GPC3: variants seen among roughly 807,000 people sequenced by gnomAD.
GPC3 encodes the protein glypican 3.
Under a neutral mutation model 34.4 loss-of-function variants are expected in GPC3, and 3 were observed. The observed-to-expected ratio is 0.09, with a 90% confidence interval of 0.04 to 0.23. The LOEUF is 0.23. Ranked by LOEUF, GPC3 falls within the 10% of genes least tolerant of loss-of-function variation. The pLI is 1.00. For synonymous variants in GPC3, 177 were observed against 174.0 expected, an observed-to-expected ratio of 1.02 and a Z score of -0.13; for missense variants, 351 against 445.6, an observed-to-expected ratio of 0.79 and a Z score of 1.91.
chrX:133,634,010 T>C (rs1486693310), intron 6 of GPC3, among the ~76,000 whole-genome samples: 5 of 111,968 alleles, frequency 4.5e-5, no homozygotes, highest in African/African-American at 1.6e-4. Context: ...AAAATATCCA[T>C]TAAAAACTAT....
At chrX:133,672,937 A>G (rs1469459550) in intron 5 of GPC3, among the ~76,000 whole-genome samples, 1 of 98,317 alleles carries the variant, frequency 1.0e-5, no homozygotes, top group African/African-American at 3.9e-5. Flanking sequence ...GGCGTGAGCC[A>G]CTGCACCCGA....
intron 2 of GPC3, among the ~76,000 whole-genome samples, chrX:133,936,810 A>G (rs2076325438): frequency 8.9e-6 from 1 of 112,255 alleles, no homozygotes; most frequent in Admixed American, 9.5e-5. Context: ...GACAGTTATG[A>G]ATGGAAAGTG....
At chrX:133,593,353 G>GGAAAAAAAAAAAAAAAAAAAAAAAAAAAA (rs1569391707) in intron 7 of GPC3, among the ~76,000 whole-genome samples, 1 of 58,158 alleles carries the variant, frequency 1.7e-5, no homozygotes, top group Non-Finnish European at 3.3e-5. Flanking sequence ...AAAAAAAAAA[G>GGAAAAAAAAAAAAAAAAAAAAAAAAAAAA]TAAAAAAAAA....
intron 7 of GPC3, among the ~76,000 whole-genome samples, chrX:133,562,015 T>C (rs943624981): frequency 8.9e-6 from 1 of 112,111 alleles, no homozygotes; most frequent in Non-Finnish European, 1.9e-5. Context: ...ACTGCACCAT[T>C]TGGGTGATTA....
At chrX:133,830,206 C>T (rs780837217) in intron 2 of GPC3, among the ~76,000 whole-genome samples, 7 of 111,079 alleles carry the variant, frequency 6.3e-5, no homozygotes, top group Non-Finnish European at 1.1e-4. Context: ...GGAATACAAC[C>T]GAGAGTCCAG....
intron 3 of GPC3, among the ~76,000 whole-genome samples, chrX:133,718,412 A>G (rs1021165001): frequency 3.6e-5 from 4 of 111,552 alleles, no homozygotes; most frequent in South Asian, 7.5e-4. Context: ...GGCAACCCCT[A>G]AGAAAATAAC....
At chrX:133,536,487 C>A (rs1400469134) in intron 7 of GPC3, among the ~76,000 whole-genome samples, 194 bp from the exon 8 acceptor site, 1 of 107,410 alleles carries the variant, frequency 9.3e-6, no homozygotes, top group Admixed American at 1.0e-4. Flanking sequence ...AGAGGGGAGG[C>A]AGTGGAAGGA....
chrX:133,898,472 C>T (rs1350448159), intron 2 of GPC3, among the ~76,000 whole-genome samples: 1 of 112,170 alleles, frequency 8.9e-6, no homozygotes, highest in African/African-American at 3.2e-5. Context: ...TTACAGCATA[C>T]AGTAACAATT....
intron 3 of GPC3, among the ~76,000 whole-genome samples, chrX:133,721,530 G>A (rs993691032): frequency 2.7e-5 from 3 of 111,336 alleles, no homozygotes; most frequent in African/African-American, 9.8e-5. Flanking sequence ...GGCTTCACTG[G>A]TGAGTTTTAG....
At chrX:133,584,930 C>CAAACAAAAAAAAAAA (rs2069772100) in intron 7 of GPC3, among the ~76,000 whole-genome samples, 1 of 68,279 alleles carries the variant, frequency 1.5e-5, no homozygotes, top group Non-Finnish European at 2.8e-5. Context: ...TATAAAAAGC[C>CAAACAAAAAAAAAAA]AAAAAAAAAA....
At position 133,554,020 on chromosome X, in the gene GPC3, C is replaced by CTCT. The variant is rs760457814; in HGVS notation, c.1574-17728_1574-17727insAGA. On this transcript the variant is annotated intron_variant, in intron 7 of 7. Coordinates refer to ENST00000370818, the MANE Select transcript of GPC3 (RefSeq NM_004484.4). ...ATCCTCTTTCTCTCTCTCTCTCTCT[C>CTCT]TTTTTTTTTTTTGAGATGGAGTCTT... Among the ~76,000 whole-genome samples, 11 of 94,787 alleles carry CTCT rather than the reference C, an allele frequency of 1.2e-4. No homozygotes were observed. The East Asian group carries it at 2.1e-3, about 18-fold the overall frequency. The allele number at this position is 94,787 out of a possible 115,157, so 82.3% of individuals were successfully genotyped here.
At chrX:133,899,768 G>A (rs2076135719) in intron 2 of GPC3, among the ~76,000 whole-genome samples, 1 of 110,693 alleles carries the variant, frequency 9.0e-6, no homozygotes, top group Non-Finnish European at 1.9e-5. Flanking sequence ...TTGACCAATG[G>A]TCTAATGGTT....
At chrX:133,785,366 G>C (rs1216640172) in intron 2 of GPC3, among the ~76,000 whole-genome samples, 1 of 111,238 alleles carries the variant, frequency 9.0e-6, no homozygotes, top group Non-Finnish European at 1.9e-5. Flanking sequence ...GCAGGTTATG[G>C]TGTGTGTGAC....
rs768615041 is a variant in GPC3 at position 133,748,104 on chromosome X, G to C, written c.1032+5378C>G. Among the ~76,000 whole-genome samples, 4 of 112,177 alleles carry C rather than the reference G, an allele frequency of 3.6e-5. No homozygotes were observed. In the East Asian group the frequency reaches 1.1e-3, roughly 31 times the overall value. On this transcript the variant is annotated intron_variant, in intron 3 of 7. Coordinates refer to ENST00000370818, the MANE Select transcript of GPC3 (RefSeq NM_004484.4). ...AAGTTTTGGGAAAGTTTCCAGGAGA[G>C]GGATAAACATCCAACATGCTAATTA...
chrX:133,815,729 TG>T (rs2075688501), intron 2 of GPC3, among the ~76,000 whole-genome samples: 1 of 111,888 alleles, frequency 8.9e-6, no homozygotes, highest in Admixed American at 9.5e-5. Flanking sequence ...GGCTGTGAAC[TG>T]ATAAGAGAAT....
chrX:133,693,561 A>G (rs2071086739), intron 4 of GPC3, among the ~76,000 whole-genome samples: 1 of 110,917 alleles, frequency 9.0e-6, no homozygotes, highest in Non-Finnish European at 1.9e-5. Context: ...CAGTGGAGTA[A>G]TTATTCAATA....
At chrX:133,708,528 T>C (rs751366857) in intron 3 of GPC3, among the ~76,000 whole-genome samples, 3 of 111,791 alleles carry the variant, frequency 2.7e-5, no homozygotes, top group African/African-American at 6.5e-5. Flanking sequence ...GATTGCTGTT[T>C]TCATGGCCTA....
chrX:133,913,320 T>C (rs946760781), intron 2 of GPC3, among the ~76,000 whole-genome samples: 2 of 111,773 alleles, frequency 1.8e-5, no homozygotes, highest in African/African-American at 6.5e-5. Context: ...AAGAGAAACA[T>C]CCATGGAGAA....
intron 2 of GPC3, among the ~76,000 whole-genome samples, chrX:133,936,396 G>A (rs2076323848): frequency 9.1e-6 from 1 of 110,417 alleles, no homozygotes; most frequent in South Asian, 3.9e-4. Context: ...TTAGCTCAAG[G>A]TCACACACCT....
Sources: gnomAD v4.1 joint callset for allele counts (sites outside exome capture counted in the v4.1 genomes callset) on GRCh38, gnomAD v4.1.1 for gene constraint, MANE v1.5 for transcripts, NCBI Gene and HGNC (gene_info 2026-07-23, HGNC 2026-07-21) for gene names.